Variants in TMEM45A observed in about 807,000 individuals in gnomAD.
TMEM45A encodes transmembrane protein 45A, also known as DNA polymerase-transactivated protein 4.
Under a neutral mutation model 32.0 loss-of-function variants are expected in TMEM45A, and 25 were observed. That is an observed-to-expected ratio of 0.78 (90% CI 0.57 to 1.09). The LOEUF is 1.09. Among genes scored for constraint, TMEM45A ranks in the 50% least tolerant of loss-of-function variants. The probability of loss-of-function intolerance (pLI) is 0.00; values close to 1 mark genes in which losing one functional copy is unlikely to be tolerated. For synonymous variants in TMEM45A, 122 were observed against 114.8 expected (o/e 1.06, Z -0.40); for missense variants, 302 against 325.0 (o/e 0.93, Z 0.54).
chr3:100,505,633 T>A (rs1156278864), intron 1 of TMEM45A, among the ~76,000 whole-genome samples: 1 of 152,204 alleles, frequency 6.6e-6, no homozygotes, highest in Non-Finnish European at 1.5e-5. Context: ...TGGTATTGAG[T>A]GCAAAGAGTT....
chr3:100,568,194 C>A (rs1307772717), intron 4 of TMEM45A, among the ~76,000 whole-genome samples: 44 of 152,022 alleles, frequency 2.9e-4, no homozygotes, highest in Admixed American at 2.9e-3. Flanking sequence ...ATTTATTAGC[C>A]CTAATAGTTT....
At chr3:100,504,846 G>C (rs1221311018) in intron 1 of TMEM45A, among the ~76,000 whole-genome samples, 1 of 152,186 alleles carries the variant, frequency 6.6e-6, no homozygotes, top group African/African-American at 2.4e-5. Flanking sequence ...CCAAAACCAA[G>C]TCTCAGAAAA....
intron 1 of TMEM45A, among the ~76,000 whole-genome samples, chr3:100,506,831 G>A (rs1708086522): frequency 6.6e-6 from 1 of 152,214 alleles, no homozygotes; most frequent in Non-Finnish European, 1.5e-5. Context: ...GGCTTGGAGA[G>A]CAGTAAGGAC....
At chr3:100,509,510 A>T (rs1482211977) in intron 1 of TMEM45A, among the ~76,000 whole-genome samples, 1 of 152,252 alleles carries the variant, frequency 6.6e-6, no homozygotes, top group Non-Finnish European at 1.5e-5. Context: ...ACTATTCACA[A>T]TAGCCAAGGT....
chr3:100,574,586 T>G (rs540524080), intron 5 of TMEM45A: 4 of 152,462 alleles, frequency 2.6e-5, no homozygotes, highest in Non-Finnish European at 4.4e-5. Flanking sequence ...CAAGAATTTT[T>G]ACAGCCCGTC....
intron 4 of TMEM45A, among the ~76,000 whole-genome samples, chr3:100,566,441 A>C (rs1404971533): frequency 1.3e-5 from 2 of 152,218 alleles, no homozygotes; most frequent in Non-Finnish European, 2.9e-5. Flanking sequence ...ATTCAAAACC[A>C]AGATAATATC....
intron 1 of TMEM45A, among the ~76,000 whole-genome samples, chr3:100,550,391 T>G (rs1176821950): frequency 6.6e-6 from 1 of 152,058 alleles, no homozygotes; most frequent in African/African-American, 2.4e-5. Flanking sequence ...ACATAGTATG[T>G]GGATACAATT....
At chr3:100,508,166 G>A (rs1040068417) in intron 1 of TMEM45A, among the ~76,000 whole-genome samples, 3 of 152,070 alleles carry the variant, frequency 2.0e-5, no homozygotes, top group Non-Finnish European at 2.9e-5. Flanking sequence ...CCTAGCTACA[G>A]AGTGCCCTTT....
At chr3:100,537,455 T>C (rs56162336) in intron 1 of TMEM45A, among the ~76,000 whole-genome samples, 6,041 of 152,230 alleles carry the variant, frequency 0.04, 406 homozygotes, top group African/African-American at 0.14. Flanking sequence ...TCTTCCACCT[T>C]CCGCACACAA....
chr3:100,543,394 T>G (rs1461812740), intron 1 of TMEM45A, among the ~76,000 whole-genome samples: 1 of 152,224 alleles, frequency 6.6e-6, no homozygotes, highest in East Asian at 1.9e-4. Flanking sequence ...TTGTGTCATA[T>G]GTGCATTTTC....
At chr3:100,528,964 T>G (rs1246101374) in intron 1 of TMEM45A, among the ~76,000 whole-genome samples, 2 of 152,168 alleles carry the variant, frequency 1.3e-5, no homozygotes, top group Admixed American at 1.3e-4. Flanking sequence ...GGTCAGATAG[T>G]TTCTGTTTTA....
chr3:100,515,070 G>C (rs1361344699), intron 1 of TMEM45A, among the ~76,000 whole-genome samples: 2 of 148,114 alleles, frequency 1.4e-5, no homozygotes, highest in Admixed American at 6.7e-5. Context: ...TCAGTGTGGC[G>C]ATTCCTCAGG....
intron 1 of TMEM45A, among the ~76,000 whole-genome samples, chr3:100,495,439 G>T (rs563759625): frequency 2.0e-5 from 3 of 152,306 alleles, no homozygotes; most frequent in South Asian, 4.1e-4. Context: ...TCCTGTGGAT[G>T]TTGGGACATT....
At chr3:100,503,113 C>G (rs756376029) in intron 1 of TMEM45A, among the ~76,000 whole-genome samples, 1 of 151,578 alleles carries the variant, frequency 6.6e-6, no homozygotes, top group Non-Finnish European at 1.5e-5. Flanking sequence ...TCTTCCTCTT[C>G]TTCTTTTATT....
At chr3:100,494,133 C>G (rs1707889697) in intron 1 of TMEM45A, among the ~76,000 whole-genome samples, 1 of 152,180 alleles carries the variant, frequency 6.6e-6, no homozygotes, top group African/African-American at 2.4e-5. Context: ...GATTTAGAAA[C>G]AGAATGATGA....
intron 1 of TMEM45A, among the ~76,000 whole-genome samples, chr3:100,531,104 G>A (rs779399696): frequency 1.2e-4 from 19 of 152,040 alleles, no homozygotes; most frequent in Non-Finnish European, 2.1e-4. Context: ...TAATTTATTA[G>A]GGTATGTAAA....
intron 1 of TMEM45A, among the ~76,000 whole-genome samples, chr3:100,526,311 G>A (rs1705543575): frequency 6.6e-6 from 1 of 152,152 alleles, no homozygotes; most frequent in Non-Finnish European, 1.5e-5. Flanking sequence ...TTAGCTTGAG[G>A]AACTCTTAAA....
intron 1 of TMEM45A, among the ~76,000 whole-genome samples, chr3:100,532,766 T>C (rs780027690): frequency 6.6e-6 from 1 of 152,202 alleles, no homozygotes; most frequent in Non-Finnish European, 1.5e-5. Flanking sequence ...CTTTGCCATT[T>C]GTAAGCTGTT....
At chr3:100,504,040 T>C (rs914754692) in intron 1 of TMEM45A, among the ~76,000 whole-genome samples, 1 of 152,190 alleles carries the variant, frequency 6.6e-6, no homozygotes, top group Non-Finnish European at 1.5e-5. Context: ...CTGGGTGCTC[T>C]AGCCTCTGTA....
Sources: gnomAD v4.1 joint callset for allele counts (sites outside exome capture counted in the v4.1 genomes callset) on GRCh38, gnomAD v4.1.1 for gene constraint, MANE v1.5 for transcripts, NCBI Gene and HGNC (gene_info 2026-07-23, HGNC 2026-07-21) for gene names.